FA2H: variants seen among roughly 807,000 people sequenced by gnomAD.
FA2H encodes fatty acid alpha-hydroxylase.
FA2H carries 22 observed loss-of-function variants against 44.9 expected under a neutral mutation model. That is an observed-to-expected ratio of 0.49 (90% CI 0.35 to 0.70). The LOEUF is 0.70. Ranked by LOEUF, FA2H falls within the 30% of genes least tolerant of loss-of-function variation. The pLI is 0.01. For missense variants in FA2H, 501 were observed against 504.9 expected (o/e 0.99, Z 0.07); for synonymous variants, 243 against 213.2 (o/e 1.14, Z -1.22).
intron 1 of FA2H, among the ~76,000 whole-genome samples, chr16:74,745,861 A>C (rs1179361799): frequency 7.1e-6 from 1 of 140,238 alleles, no homozygotes; most frequent in African/African-American, 2.7e-5. Flanking sequence ...GCTAGAATGC[A>C]GTGGCACCAT....
chr16:74,735,239 A>C (rs977668123), intron 2 of FA2H, among the ~76,000 whole-genome samples: 1 of 151,982 alleles, frequency 6.6e-6, no homozygotes, highest in Admixed American at 6.5e-5. Context: ...CCTCAGCACA[A>C]CGGCTGTGAT....
chr16:74,760,063 T>G (rs1445117218), intron 1 of FA2H, among the ~76,000 whole-genome samples: 1 of 152,230 alleles, frequency 6.6e-6, no homozygotes, highest in Non-Finnish European at 1.5e-5. Flanking sequence ...ATGGTACAGA[T>G]GAAATCCCTC....
intron 2 of FA2H, among the ~76,000 whole-genome samples, chr16:74,732,530 C>A (rs1170347339): frequency 6.6e-6 from 1 of 150,806 alleles, no homozygotes. Context: ...TCCACTTCTC[C>A]GGTTGAAGTG....
chr16:74,765,876 T>C (rs575928279), intron 1 of FA2H, among the ~76,000 whole-genome samples: 3 of 152,244 alleles, frequency 2.0e-5, no homozygotes, highest in African/African-American at 7.2e-5. Flanking sequence ...TTAGTACCTA[T>C]TGGTATGTAC....
chr16:74,738,532 A>C (rs1239663644), intron 2 of FA2H, among the ~76,000 whole-genome samples: 2 of 152,110 alleles, frequency 1.3e-5, no homozygotes, highest in Non-Finnish European at 2.9e-5. Context: ...AGTTTTGTTC[A>C]TGTCACATCA....
chr16:74,714,352 A>G, intron 6 of FA2H, 83 bp from the exon 7 acceptor site: 1 of 862,890 alleles, frequency 1.2e-6, no homozygotes, highest in Non-Finnish European at 1.9e-6. Flanking sequence ...CAGGGTAGGG[A>G]TAAGAGGTGG....
At chr16:74,724,058 T>C (rs1430960294) in intron 4 of FA2H, among the ~76,000 whole-genome samples, 1 of 152,102 alleles carries the variant, frequency 6.6e-6, no homozygotes, top group Non-Finnish European at 1.5e-5. Flanking sequence ...CACACCATCA[T>C]GCCTGGCTAA....
In FA2H at chr16:74,721,231, G is replaced by A. The variant is rs147111676; in HGVS notation, c.614-2071C>T. On this transcript the variant is annotated intron_variant, in intron 4 of 6. Transcript: ENST00000219368. ...CACCCAGGCTGGAGTGCAATGGGAC[G>A]ATCTCGGCTCACTGCAGCCTCCACC... Among the ~76,000 whole-genome samples the A allele has an allele frequency of 8.7e-3, 1,328 of 152,102 alleles. 16 individuals are homozygous for A. The highest frequency in any genetic ancestry group is 0.031 in the African/African-American group (1,272 of 41,496).
At chr16:74,752,595 C>T (rs112409984) in intron 1 of FA2H, among the ~76,000 whole-genome samples, 2,232 of 152,326 alleles carry the variant, frequency 0.015, 22 homozygotes, top group Non-Finnish European at 0.021. Context: ...ATTATCATGT[C>T]TGTCTCACTC....
Position 74,726,269 on chromosome 16 carries a change from G to T in FA2H, c.569C>A (p.Thr190Asn), listed in dbSNP as rs1423010539. 1.9e-6 allele frequency: 3 copies of T among 1,614,092 alleles called. No homozygotes were observed. Among genetic ancestry groups the T allele is most frequent in the Non-Finnish European group, 2.5e-6 (3 of 1,179,988 alleles). Residue 190 changes from threonine to asparagine, a missense_variant, in exon 4 of 7, where the codon ACC (threonine) becomes AAC (asparagine). Coordinates refer to ENST00000219368, the MANE Select transcript of FA2H (RefSeq NM_024306.5). ...VLYLSWSYYR[T>N]FAQGNVRLFT... ...GAGTCGGACGTTGCCCTGGGCAAAG[G>T]TTCGGTAGTAGGACCAGCTGAGATA...
At chr16:74,724,944 C>T (rs1961919411) in intron 4 of FA2H, among the ~76,000 whole-genome samples, 1 of 152,216 alleles carries the variant, frequency 6.6e-6, no homozygotes, top group South Asian at 2.1e-4. Context: ...GCTTCAGCAT[C>T]CCCTTCCCCC....
intron 5 of FA2H, among the ~76,000 whole-genome samples, chr16:74,718,077 T>C (rs1316850229): frequency 1.3e-5 from 2 of 152,056 alleles, no homozygotes; most frequent in Non-Finnish European, 2.9e-5. Flanking sequence ...AGATCAACTC[T>C]GGGGAGAGCC....
chr16:74,764,452 G>A (rs1962769422), intron 1 of FA2H, among the ~76,000 whole-genome samples: 1 of 152,188 alleles, frequency 6.6e-6, no homozygotes. Context: ...ATTATCCTTA[G>A]CAAACTAAGT....
intron 2 of FA2H, among the ~76,000 whole-genome samples, chr16:74,734,133 G>A (rs1457531251): frequency 6.6e-6 from 1 of 152,248 alleles, no homozygotes; most frequent in Non-Finnish European, 1.5e-5. Context: ...GGGACAGAGG[G>A]AAGGCATGGG....
At chr16:74,726,974 C>T (rs921169815) in intron 3 of FA2H, among the ~76,000 whole-genome samples, 3 of 152,116 alleles carry the variant, frequency 2.0e-5, no homozygotes, top group Admixed American at 6.5e-5. Flanking sequence ...CCATGCGCAT[C>T]GTGGGCAAGA....
chr16:74,745,032 C>A (rs1962392923), intron 1 of FA2H, among the ~76,000 whole-genome samples: 1 of 152,176 alleles, frequency 6.6e-6, no homozygotes, highest in Non-Finnish European at 1.5e-5. Flanking sequence ...CCATCTGTGT[C>A]AGGTGATTGC....
chr16:74,751,464 C>A (rs375341397), intron 1 of FA2H, among the ~76,000 whole-genome samples: 1 of 152,062 alleles, frequency 6.6e-6, no homozygotes, highest in Non-Finnish European at 1.5e-5. Flanking sequence ...ACTGGTGACG[C>A]CTGGTGGGTA....
chr16:74,743,893 G>T (rs150164564), intron 1 of FA2H, among the ~76,000 whole-genome samples: 1 of 152,164 alleles, frequency 6.6e-6, no homozygotes, highest in African/African-American at 2.4e-5. Flanking sequence ...CCAGCGTCAC[G>T]CGGTGTCAGT....
chr16:74,771,792 T>A (rs1446547271), intron 1 of FA2H, among the ~76,000 whole-genome samples: 1 of 152,102 alleles, frequency 6.6e-6, no homozygotes, highest in South Asian at 2.1e-4. Flanking sequence ...CTTCCCCCCA[T>A]GGTCACAGCC....
Sources: gnomAD v4.1 joint callset for allele counts (sites outside exome capture counted in the v4.1 genomes callset) on GRCh38, gnomAD v4.1.1 for gene constraint, MANE v1.5 for transcripts, NCBI Gene and HGNC (gene_info 2026-07-23, HGNC 2026-07-21) for gene names.